The following LIPC variants were observed in gnomAD, a reference collection of about 807,000 sequenced individuals.
LIPC encodes hepatic triacylglycerol lipase.
Under a neutral mutation model 50.7 loss-of-function variants are expected in LIPC, and 44 were observed. The ratio of observed to expected loss-of-function variants is 0.87; its 90% CI spans 0.68 to 1.11. The LOEUF is 1.11. Among genes scored for constraint, LIPC ranks in the 50% most tolerant of loss-of-function variants. The pLI, the probability that LIPC is intolerant of heterozygous loss-of-function variation, is 0.00. For synonymous variants in LIPC, 271 were observed against 256.4 expected, an observed-to-expected ratio of 1.06 and a Z score of -0.54; for missense variants, 697 against 648.2, an observed-to-expected ratio of 1.08 and a Z score of -0.82.
intron 5 of LIPC, among the ~76,000 whole-genome samples, chr15:58,546,224 G>C (rs1893526609): frequency 1.3e-5 from 2 of 152,176 alleles, no homozygotes; most frequent in South Asian, 4.1e-4. Context: ...GCACCAACAG[G>C]AACCTCCACT....
chr15:58,456,956 T>A (rs4775051), intron 1 of LIPC, among the ~76,000 whole-genome samples: 45,428 of 151,904 alleles, frequency 0.3, 7,144 homozygotes, highest in East Asian at 0.49. Context: ...TCAAGTGGCA[T>A]ACCCAGGGAA....
intron 1 of LIPC, among the ~76,000 whole-genome samples, chr15:58,498,361 G>A (rs11854898): frequency 0.097 from 14,830 of 152,122 alleles, 916 homozygotes; most frequent in Non-Finnish European, 0.14. Context: ...CTGCTGGTCC[G>A]AGGCCCTCAC....
chr15:58,510,837 G>A (rs143245702), intron 1 of LIPC, among the ~76,000 whole-genome samples: 554 of 152,292 alleles, frequency 3.6e-3, no homozygotes, highest in Non-Finnish European at 4.6e-3. Context: ...ATCATAACAC[G>A]TCCTGAAAGG....
At chr15:58,510,898 G>C (rs1389833826) in intron 1 of LIPC, among the ~76,000 whole-genome samples, 16 of 152,248 alleles carry the variant, frequency 1.1e-4, no homozygotes, top group Admixed American at 1.0e-3. Context: ...TGTTCCACAT[G>C]GAGTTGGTGA....
intron 6 of LIPC, among the ~76,000 whole-genome samples, chr15:58,549,294 G>A (rs1450813790): frequency 8.5e-5 from 13 of 152,222 alleles, no homozygotes; most frequent in African/African-American, 2.7e-4. Context: ...GCTCGGGAGT[G>A]CTTTAGCATC....
At chr15:58,492,417 A>G (rs1442238968) in intron 1 of LIPC, among the ~76,000 whole-genome samples, 1 of 152,244 alleles carries the variant, frequency 6.6e-6, no homozygotes, top group African/African-American at 2.4e-5. Context: ...GTAATAGCTT[A>G]TCTTTATTCT....
chr15:58,521,506 T>C (rs778854410), intron 1 of LIPC: 1 of 152,202 alleles, frequency 6.6e-6, no homozygotes, highest in Non-Finnish European at 1.5e-5. Context: ...GCAGAAGGAA[T>C]TGCAGAAGCA....
intron 1 of LIPC, among the ~76,000 whole-genome samples, chr15:58,534,524 C>T (rs1049225434): frequency 1.1e-4 from 16 of 152,302 alleles, no homozygotes; most frequent in Admixed American, 1.3e-4. Context: ...GTGACTTAAA[C>T]GCTATTTGGT....
chr15:58,513,769 G>A (rs1237548796), intron 1 of LIPC, among the ~76,000 whole-genome samples: 2 of 152,164 alleles, frequency 1.3e-5, no homozygotes, highest in African/African-American at 4.8e-5. Flanking sequence ...GAAACCCCAC[G>A]GCAGCTGGCA....
intron 5 of LIPC, 123 bp downstream of exon 5, chr15:58,546,098 G>A (rs1231336479): frequency 8.1e-6 from 7 of 859,154 alleles, no homozygotes; most frequent in Non-Finnish European, 1.3e-5. Flanking sequence ...GGCCCAGGGT[G>A]TATGGTCACC....
At chr15:58,450,098 C>A (rs1366823071) in intron 1 of LIPC, among the ~76,000 whole-genome samples, 1 of 152,188 alleles carries the variant, frequency 6.6e-6, no homozygotes, top group Non-Finnish European at 1.5e-5. Flanking sequence ...CATATATGAT[C>A]TGGGGCAAGA....
intron 1 of LIPC, among the ~76,000 whole-genome samples, chr15:58,474,447 G>T (rs566334768): frequency 1.3e-5 from 2 of 151,222 alleles, no homozygotes; most frequent in Admixed American, 1.3e-4. Flanking sequence ...GAAGGTCAAG[G>T]CTGCAGTGAG....
chr15:58,525,957 C>T (rs961822318), intron 1 of LIPC, among the ~76,000 whole-genome samples: 2 of 152,212 alleles, frequency 1.3e-5, no homozygotes, highest in Admixed American at 6.5e-5. Flanking sequence ...GTACTTTACA[C>T]GTTTATCTCA....
chr15:58,540,303 A>G (rs1470270398), intron 2 of LIPC, among the ~76,000 whole-genome samples: 1 of 152,184 alleles, frequency 6.6e-6, no homozygotes, highest in Non-Finnish European at 1.5e-5. Flanking sequence ...AATAACAACA[A>G]CAACTGCAGT....
chr15:58,474,153 G>A, intron 1 of LIPC, among the ~76,000 whole-genome samples: 1 of 152,136 alleles, frequency 6.6e-6, no homozygotes, highest in South Asian at 2.1e-4. Context: ...GCCCTTTGGT[G>A]GGGGAAGAGG....
chr15:58,443,752 G>A (rs1290719808), intron 1 of LIPC, among the ~76,000 whole-genome samples: 2 of 152,198 alleles, frequency 1.3e-5, no homozygotes, highest in Non-Finnish European at 2.9e-5. Flanking sequence ...GGGTGCAGGC[G>A]GGCTGAGTCT....
At position 58,460,656 on chromosome 15, in the gene LIPC, G is replaced by C. The variant is rs183394800; in HGVS notation, c.88+28536G>C. 5.9e-5 allele frequency among the ~76,000 whole-genome samples: 9 copies of C among 152,292 alleles called. No individual in the cohort carries two copies. In the South Asian group the frequency reaches 6.2e-4, roughly 11 times the overall value. ...CACTCAGCCAGTAAGGGCCAGGCTGGGCTGCAAACTCAATGGCCCACTGCA... is the reference window on the plus strand; with the variant it reads ...CACTCAGCCAGTAAGGGCCAGGCTGCGCTGCAAACTCAATGGCCCACTGCA... On this transcript the variant is annotated intron_variant, in intron 1 of 8. Coordinates refer to ENST00000299022, the MANE Select transcript of LIPC (RefSeq NM_000236.3).
At chr15:58,556,349 C>A (rs1377421769) in intron 6 of LIPC, among the ~76,000 whole-genome samples, 2 of 152,142 alleles carry the variant, frequency 1.3e-5, no homozygotes, top group African/African-American at 4.8e-5. Flanking sequence ...ACACAGATGC[C>A]CGTGAGACAA....
At position 58,541,794 on chromosome 15, in the gene LIPC, G is replaced by T. The variant is rs6078; in HGVS notation, c.283G>T (p.Val95Leu). The change falls in exon 3 of 9, where the codon GTG (valine) becomes TTG (leucine). Residue 95 changes from valine to leucine, a missense_variant. Physicochemically the swap from Val to Leu is conservative, Grantham distance 32. Transcript: ENST00000299022. ...TCTGTCCCCTCCTCAGGTGGACGGCGTGCTAGAAAACTGGATCTGGCAGAT... is the reference window on the plus strand; with the variant it reads ...TCTGTCCCCTCCTCAGGTGGACGGCTTGCTAGAAAACTGGATCTGGCAGAT... ...MIIHGWSVDG[V>L]LENWIWQMVA... The T allele has an allele frequency of 5.6e-6, 9 of 1,613,382 alleles. No individual in the cohort carries two copies. The highest frequency in any genetic ancestry group is 1.7e-4 in the Middle Eastern group (1 of 5,994).
Sources: allele counts gnomAD v4.1 joint callset (sites outside exome capture counted in the v4.1 genomes callset), GRCh38; gene constraint gnomAD v4.1.1; transcripts MANE v1.5; gene names NCBI Gene and HGNC (gene_info 2026-07-23, HGNC 2026-07-21).